Variants in SLC7A11 observed in about 807,000 individuals in gnomAD.
SLC7A11 encodes solute carrier family 7 member 11.
In SLC7A11, 35 loss-of-function variants were observed where a neutral mutation model predicts 54.5. The ratio of observed to expected loss-of-function variants is 0.64; its 90% CI spans 0.49 to 0.85. The LOEUF (loss-of-function observed/expected upper bound fraction) is 0.85, where lower values mean the gene tolerates loss of function less well. Ranked by LOEUF, SLC7A11 falls within the 40% of genes least tolerant of loss-of-function variation. The probability of loss-of-function intolerance (pLI) is 0.00; values close to 1 mark genes in which losing one functional copy is unlikely to be tolerated. For missense variants in SLC7A11, 583 were observed against 618.1 expected (o/e 0.94, Z 0.60); for synonymous variants, 230 against 225.2 (o/e 1.02, Z -0.19).
chr4:138,230,728 T>C (rs1006955632), intron 3 of SLC7A11, among the ~76,000 whole-genome samples: 18 of 152,194 alleles, frequency 1.2e-4, no homozygotes, highest in Non-Finnish European at 1.8e-4. Flanking sequence ...CTCTATTTCA[T>C]TTTTATCATT....
chr4:138,214,748 A>G (rs1737639388), intron 5 of SLC7A11, 119 bp from the exon 6 acceptor site: 3 of 352,952 alleles, frequency 8.5e-6, no homozygotes, highest in Non-Finnish European at 1.6e-5. Flanking sequence ...TACTTATAGT[A>G]AGATGAAAAT....
chr4:138,189,508 C>T (rs1736958525), intron 6 of SLC7A11, among the ~76,000 whole-genome samples: 1 of 152,136 alleles, frequency 6.6e-6, no homozygotes, highest in Non-Finnish European at 1.5e-5. Context: ...GTCACAATGT[C>T]ATGGCTGCTT....
At chr4:138,214,130 T>C (rs1737623309) in intron 6 of SLC7A11, among the ~76,000 whole-genome samples, 1 of 152,164 alleles carries the variant, frequency 6.6e-6, no homozygotes, top group South Asian at 2.1e-4. Flanking sequence ...CAGGTATTTC[T>C]AGGCTTTTGT....
intron 1 of SLC7A11, among the ~76,000 whole-genome samples, chr4:138,237,738 T>TA (rs1276520668): frequency 9.6e-3 from 64 of 6,682 alleles, no homozygotes; most frequent in African/African-American, 0.016. Context: ...TATATATATA[T>TA]TTTTTTTTTT....
rs754656918 is a variant in SLC7A11 at position 138,219,342 on chromosome 4, C to T, written c.670G>A (p.Ala224Thr). Residue 224 changes from alanine (A) to threonine (T), a missense_variant, in exon 5 of 12, where the codon GCC (alanine) becomes ACC (threonine). Coordinates refer to ENST00000280612, the MANE Select transcript of SLC7A11 (RefSeq NM_014331.4). ...IKGQTQNFKD[A>T]FSGRDSSITR... The stretch of plus-strand genomic sequence containing the variant: ...ATACTTGAATCTCTTCCTGAAAAGG[C>T]GTCTTTAAAGTTCTGCGTTTGACCT... 132 of 1,605,462 alleles carry T rather than the reference C, an allele frequency of 8.2e-5. No individual in the cohort carries two copies. Among genetic ancestry groups the T allele is most frequent in the South Asian group, 1.1e-4 (10 of 90,778 alleles).
intron 6 of SLC7A11, among the ~76,000 whole-genome samples, chr4:138,198,307 T>C (rs1218682240): frequency 1.3e-5 from 2 of 151,922 alleles, no homozygotes; most frequent in African/African-American, 4.8e-5. Context: ...ATAAAGAAAA[T>C]TGAGTAATGT....
chr4:138,215,469 T>C (rs1045267772), intron 5 of SLC7A11, among the ~76,000 whole-genome samples: 4 of 152,058 alleles, frequency 2.6e-5, no homozygotes, highest in African/African-American at 9.7e-5. Context: ...CCACCTAAAT[T>C]CACAAGTAGT....
rs1736233063 is a variant in SLC7A11, at chr4:138,165,492, C to T, written c.*6464G>A. Reference sequence around the variant, plus strand: ...CAACTACGTTTGTTCACCTGTTTGGCATAGGGAGAAAACAATGTATCTCAT... The same window carrying T: ...CAACTACGTTTGTTCACCTGTTTGGTATAGGGAGAAAACAATGTATCTCAT... On this transcript the variant is annotated 3_prime_UTR_variant, in exon 12 of 12. Transcript: ENST00000280612. 6.6e-6 allele frequency: 1 copy of T among 152,490 alleles called. No homozygotes were observed. The highest frequency in any genetic ancestry group is 1.5e-5 in the Non-Finnish European group (1 of 68,004). The allele number at this position is 152,490 out of a possible 1,614,324, so 9.4% of individuals were successfully genotyped here.
At chr4:138,241,769 C>G in intron 1 of SLC7A11, 24 bp downstream of exon 1, 2 of 1,566,792 alleles carry the variant, frequency 1.3e-6, no homozygotes, top group South Asian at 1.1e-5. Context: ...GCCACGCCCC[C>G]ACGAGAGAAA....
chr4:138,224,369 C>A (rs1322905594), intron 3 of SLC7A11, among the ~76,000 whole-genome samples: 1 of 152,064 alleles, frequency 6.6e-6, no homozygotes, highest in Non-Finnish European at 1.5e-5. Flanking sequence ...TTAACTATAA[C>A]CTTTATATTT....
intron 5 of SLC7A11, among the ~76,000 whole-genome samples, chr4:138,218,977 C>T (rs1737743105): frequency 1.3e-5 from 2 of 152,070 alleles, no homozygotes; most frequent in Admixed American, 1.3e-4. Context: ...CTGGTACATA[C>T]TTATAAGTAA....
At chr4:138,192,679 A>T (rs1268642741) in intron 6 of SLC7A11, among the ~76,000 whole-genome samples, 1 of 152,152 alleles carries the variant, frequency 6.6e-6, no homozygotes, top group Non-Finnish European at 1.5e-5. Flanking sequence ...CAAGCATATG[A>T]TATAAAATTA....
intron 6 of SLC7A11, among the ~76,000 whole-genome samples, chr4:138,210,196 C>T (rs983685889): frequency 2.0e-5 from 3 of 151,882 alleles, no homozygotes; most frequent in Admixed American, 1.3e-4. Context: ...CAGCCTCATG[C>T]AGAAGGATGA....
chr4:138,240,562 T>A (rs1738351445), intron 1 of SLC7A11, among the ~76,000 whole-genome samples: 1 of 38,692 alleles, frequency 2.6e-5, no homozygotes, highest in Non-Finnish European at 7.2e-5. Flanking sequence ...CGAGTCTCTG[T>A]CTCAAAAAAA....
intron 6 of SLC7A11, among the ~76,000 whole-genome samples, chr4:138,212,689 C>A (rs565923212): frequency 6.6e-6 from 1 of 151,656 alleles, no homozygotes; most frequent in Non-Finnish European, 1.5e-5. Context: ...GAGGTAATAA[C>A]GGCATAACTA....
At chr4:138,230,618 C>T (rs1738054810) in intron 3 of SLC7A11, among the ~76,000 whole-genome samples, 1 of 152,108 alleles carries the variant, frequency 6.6e-6, no homozygotes, top group South Asian at 2.1e-4. Flanking sequence ...GCTTCAATTC[C>T]AGGTTGTTTC....
rs187409298 is a variant in SLC7A11 at position 138,217,834 on chromosome 4, A to G, written c.746+1432T>C. On this transcript the variant is annotated intron_variant, in intron 5 of 11. Coordinates refer to ENST00000280612, the MANE Select transcript of SLC7A11 (RefSeq NM_014331.4). ...GCTCTGATCCAGGCTGAATAGCCAT[A>G]GAACAGTTGATTCTGCTTTAACCCT... Among the ~76,000 whole-genome samples, 118 of 152,354 alleles carry G rather than the reference A, an allele frequency of 7.7e-4. 2 individuals carry two copies. The East Asian group carries it at 0.022, about 28-fold the overall frequency.
At chr4:138,228,039 T>C (rs1371880229) in intron 3 of SLC7A11, among the ~76,000 whole-genome samples, 2 of 152,234 alleles carry the variant, frequency 1.3e-5, no homozygotes, top group Non-Finnish European at 2.9e-5. Flanking sequence ...TTTTCTTTTA[T>C]GTAATTTAAT....
In SLC7A11 at chr4:138,223,212, C is replaced by T; in HGVS notation, c.633G>A (p.Met211Ile). The change falls in exon 4 of 12, where the codon ATG becomes ATA. Residue 211 changes from methionine (M) to isoleucine (I), a missense_variant. Met to Ile is a conservative substitution (Grantham distance 10). Transcript: ENST00000280612. ...TTCAGTCCATACCTTTAATTAGCTGCATAACTCCAGGGACTATAATTATCA... is the reference window on the plus strand; with the variant it reads ...TTCAGTCCATACCTTTAATTAGCTGTATAACTCCAGGGACTATAATTATCA... ...AILIIIVPGV[M>I]QLIKGQTQNF... 1 of 1,613,044 alleles carries T rather than the reference C, an allele frequency of 6.2e-7. No individual in the cohort carries two copies. Among genetic ancestry groups the T allele is most frequent in the Non-Finnish European group, 8.5e-7 (1 of 1,179,284 alleles).
Sources: gnomAD v4.1 joint callset for allele counts (sites outside exome capture counted in the v4.1 genomes callset) on GRCh38, gnomAD v4.1.1 for gene constraint, MANE v1.5 for transcripts, NCBI Gene and HGNC (gene_info 2026-07-23, HGNC 2026-07-21) for gene names.